Variants in EDEM2 observed in about 807,000 individuals in gnomAD.
EDEM2 encodes ER degradation enhancing alpha-mannosidase like protein 2.
A neutral mutation model predicts 64.8 loss-of-function variants in EDEM2; 39 were observed. The observed-to-expected ratio is 0.60, with a 90% CI of 0.47 to 0.79. EDEM2 has a LOEUF of 0.79. EDEM2 is among the 30% of genes least tolerant of loss of function. The pLI, the probability that EDEM2 is intolerant of heterozygous loss-of-function variation, is 0.00. For synonymous variants in EDEM2, 296 were observed against 291.5 expected, an observed-to-expected ratio of 1.02 and a Z score of -0.16; for missense variants, 609 against 731.3, an observed-to-expected ratio of 0.83 and a Z score of 1.93.
intron 2 of EDEM2, 149 bp downstream of exon 2, chr20:35,146,676 G>T: frequency 1.2e-6 from 1 of 828,936 alleles, no homozygotes; most frequent in Non-Finnish European, 1.9e-6. Flanking sequence ...GGAGGTGATA[G>T]TAAGAATTGC....
intron 7 of EDEM2, among the ~76,000 whole-genome samples, chr20:35,128,708 G>A (rs1448235039): frequency 2.0e-5 from 3 of 150,468 alleles, no homozygotes; most frequent in Non-Finnish European, 4.4e-5. Flanking sequence ...ATGGGGAAGT[G>A]GAAGACAGTG....
In EDEM2 at chr20:35,132,360, T is replaced by C. The variant is rs141243211; in HGVS notation, c.703-577A>G. Among the ~76,000 whole-genome samples the C allele has an allele frequency of 2.4e-3, 368 of 151,902 alleles. 2 individuals are homozygous for C. The highest frequency in any genetic ancestry group is 8.4e-3 in the African/African-American group (350 of 41,444). ...CAGTCTCTGTAGAGACTGTGAAAAA[T>C]TGGCAATGCCGGCCAGGCGCGGTGG... is the stretch of plus-strand genomic sequence containing the variant. On this transcript the variant is annotated intron_variant, in intron 6 of 10. Transcript: ENST00000374492.
rs139780569 is a variant in EDEM2 at position 35,134,784 on chromosome 20, C to G, written c.656G>C (p.Arg219Thr). ...CTCCCAGAGGCGCATCAAAGCCACT[C>G]TGGCCACATCTTCGAACACCGGGTC... is the stretch of plus-strand genomic sequence containing the variant. ...TGDPVFEDVA[R>T]VALMRLWESR... Residue 219 changes from arginine (R) to threonine (T), a missense_variant, in exon 6 of 11, where the codon AGA becomes ACA. Physicochemically the swap from Arg to Thr is moderately conservative, Grantham distance 71 (BLOSUM62 -1). Transcript: ENST00000374492. 122 of 1,613,880 alleles carry G rather than the reference C, an allele frequency of 7.6e-5. No homozygotes were observed. The African/African-American group carries it at 1.4e-3, about 18-fold the overall frequency.
intron 10 of EDEM2, among the ~76,000 whole-genome samples, chr20:35,117,523 G>A (rs914991935): frequency 3.3e-5 from 5 of 152,122 alleles, no homozygotes; most frequent in African/African-American, 1.2e-4. Context: ...TATCATTTTG[G>A]TTTTTCACAC....
At chr20:35,144,566 T>A (rs12106264) in intron 3 of EDEM2, among the ~76,000 whole-genome samples, 5 of 152,032 alleles carry the variant, frequency 3.3e-5, no homozygotes, top group Admixed American at 2.0e-4. Context: ...ACCCCTGACC[T>A]CAGGTGATCT....
At chr20:35,130,930 G>T (rs1224878997) in intron 7 of EDEM2, among the ~76,000 whole-genome samples, 1 of 152,210 alleles carries the variant, frequency 6.6e-6, no homozygotes, top group Non-Finnish European at 1.5e-5. Flanking sequence ...CATTCAATTT[G>T]TAGAGCTGTA....
chr20:35,145,390 GA>G (rs1222966509), intron 2 of EDEM2, among the ~76,000 whole-genome samples: 1 of 152,186 alleles, frequency 6.6e-6, no homozygotes, highest in Non-Finnish European at 1.5e-5. Flanking sequence ...GTATTGCTTA[GA>G]ACAGCAAGAG....
At chr20:35,142,241 C>T in intron 4 of EDEM2, 132 bp downstream of exon 4, 3 of 685,400 alleles carry the variant, frequency 4.4e-6, no homozygotes, top group Non-Finnish European at 7.5e-6. Flanking sequence ...GGAAGAAGAG[C>T]TCTGTCGGTC....
intron 10 of EDEM2, 45 bp downstream of exon 10, chr20:35,118,553 C>G: frequency 1.2e-6 from 2 of 1,612,596 alleles, no homozygotes; most frequent in African/African-American, 1.3e-5. Context: ...TTTTTAGCAG[C>G]AAGGGGAGAC....
chr20:35,116,441 A>G (rs935060716), intron 10 of EDEM2, among the ~76,000 whole-genome samples: 1 of 151,262 alleles, frequency 6.6e-6, no homozygotes, highest in African/African-American at 2.4e-5. Context: ...ACCTCTTACC[A>G]CTCTAAGAGC....
chr20:35,142,127 G>T (rs1326426578), intron 4 of EDEM2, among the ~76,000 whole-genome samples: 2 of 152,092 alleles, frequency 1.3e-5, no homozygotes, highest in Non-Finnish European at 2.9e-5. Context: ...TTAAAGAGGT[G>T]AGTAATCTGG....
At chr20:35,142,111 T>C (rs2085662875) in intron 4 of EDEM2, among the ~76,000 whole-genome samples, 1 of 152,142 alleles carries the variant, frequency 6.6e-6, no homozygotes, top group African/African-American at 2.4e-5. Context: ...TAGTATCAAA[T>C]ACATATTAAA....
chr20:35,130,617 A>G (rs958274566), intron 7 of EDEM2, among the ~76,000 whole-genome samples: 5 of 152,074 alleles, frequency 3.3e-5, no homozygotes, highest in Non-Finnish European at 7.4e-5. Context: ...TCACTTCCAA[A>G]AAACTGGGAC....
At chr20:35,136,612 G>C (rs1418341357) in intron 5 of EDEM2, among the ~76,000 whole-genome samples, 2 of 152,062 alleles carry the variant, frequency 1.3e-5, no homozygotes, top group African/African-American at 4.8e-5. Flanking sequence ...ATTTAGCCAT[G>C]CATGGTGGCA....
intron 7 of EDEM2, among the ~76,000 whole-genome samples, chr20:35,128,255 C>A (rs1017101266): frequency 5.3e-5 from 8 of 151,544 alleles, no homozygotes; most frequent in East Asian, 1.9e-4. Context: ...TGGTGGCGGG[C>A]GCCTGTAATC....
chr20:35,118,786 G>A, intron 9 of EDEM2, 67 bp from the exon 10 acceptor site: 1 of 1,593,394 alleles, frequency 6.3e-7, no homozygotes, highest in South Asian at 1.1e-5. Context: ...GCCTCTTAGG[G>A]CCGTGAGGGA....
chr20:35,134,402 C>T (rs915425218), intron 6 of EDEM2, among the ~76,000 whole-genome samples: 4 of 152,096 alleles, frequency 2.6e-5, no homozygotes, highest in Admixed American at 6.6e-5. Flanking sequence ...TACAGATAGA[C>T]GCTAAAAATG....
intron 7 of EDEM2, among the ~76,000 whole-genome samples, chr20:35,131,074 A>G (rs2085499536): frequency 6.6e-6 from 1 of 152,240 alleles, no homozygotes; most frequent in South Asian, 2.1e-4. Context: ...ATAGGAAGAC[A>G]GGAAAAAAGA....
chr20:35,115,604 C>A lies in EDEM2; in HGVS notation c.1566G>T (p.Ser522=), dbSNP rs201296329. ...GCCTTGCTGGAGGTTCCCATGGCCC[C>A]GAACTAACAGTGTTTTTCTGAAATT... ...RSKFQKNTVS[S]GPWEPPARPG... The change falls in exon 11 of 11, where the codon TCG becomes TCT. Residue 522 remains serine, a synonymous_variant. Coordinates refer to ENST00000374492, the MANE Select transcript of EDEM2 (RefSeq NM_018217.3). 2 of 1,613,426 alleles carry A rather than the reference C, an allele frequency of 1.2e-6. No homozygotes were observed. The highest frequency in any genetic ancestry group is 1.3e-5 in the African/African-American group (1 of 74,392).
Sources: allele counts gnomAD v4.1 joint callset (sites outside exome capture counted in the v4.1 genomes callset), GRCh38; gene constraint gnomAD v4.1.1; transcripts MANE v1.5; gene names NCBI Gene and HGNC (gene_info 2026-07-23, HGNC 2026-07-21).